The following TECPR2 variants were observed in gnomAD, a reference collection of about 807,000 sequenced individuals.
The protein encoded by TECPR2 is tectonin beta-propeller repeat-containing protein 2.
Under a neutral mutation model 138.1 loss-of-function variants are expected in TECPR2, and 65 were observed. The observed-to-expected ratio is 0.47, with a 90% CI of 0.39 to 0.58. The LOEUF (loss-of-function observed/expected upper bound fraction) is 0.58, where lower values mean the gene tolerates loss of function less well. TECPR2 is among the 20% of genes least tolerant of loss of function. TECPR2 has a pLI of 0.00. For synonymous variants in TECPR2, 746 were observed against 749.8 expected, an observed-to-expected ratio of 0.99 and a Z score of 0.08; for missense variants, 1,553 against 1,824.5, an observed-to-expected ratio of 0.85 and a Z score of 2.71.
intron 6 of TECPR2, among the ~76,000 whole-genome samples, chr14:102,428,030 C>T (rs980101524): frequency 7.2e-5 from 11 of 152,146 alleles, no homozygotes; most frequent in South Asian, 2.1e-4. Flanking sequence ...CGGAGATGAC[C>T]GAGGCCCCAC....
intron 1 of TECPR2, among the ~76,000 whole-genome samples, chr14:102,367,377 A>T (rs749457773): frequency 6.6e-6 from 1 of 152,098 alleles, no homozygotes; most frequent in Non-Finnish European, 1.5e-5. Context: ...TCATCACCCT[A>T]AAAGGAAACT....
At chr14:102,470,639 CTTTTTTT>C (rs200949179) in intron 17 of TECPR2, among the ~76,000 whole-genome samples, 1 of 136,018 alleles carries the variant, frequency 7.4e-6, no homozygotes, top group African/African-American at 2.7e-5. Context: ...TCTTCTTCTT[CTTTTTTT>C]TTTTTTTTTT....
At chr14:102,496,494 G>A (rs1757429202) in intron 17 of TECPR2, among the ~76,000 whole-genome samples, 1 of 152,242 alleles carries the variant, frequency 6.6e-6, no homozygotes, top group Non-Finnish European at 1.5e-5. Flanking sequence ...CCGCGGCCTG[G>A]TCAACGCAGA....
At chr14:102,396,299 C>T (rs1347715090) in intron 2 of TECPR2, among the ~76,000 whole-genome samples, 2 of 151,920 alleles carry the variant, frequency 1.3e-5, no homozygotes, top group Non-Finnish European at 1.5e-5. Context: ...GACGGAGTTT[C>T]GCCGTGTTGG....
chr14:102,457,869 C>CTTTTTTTTTTTTTTTTT lies in TECPR2; in HGVS notation c.3640+5247_3640+5263dup, dbSNP rs748372168. On this transcript the variant is annotated intron_variant, in intron 16 of 19. Coordinates refer to ENST00000359520, the MANE Select transcript of TECPR2 (RefSeq NM_014844.5). The stretch of plus-strand genomic sequence containing the variant: ...CGCTCCTCTGCTCCCACTAAATTCC[C>CTTTTTTTTTTTTTTTTT]TTTTTTTTTTTTTTTTTTTTTGAGA... 1.7e-4 allele frequency among the ~76,000 whole-genome samples: 17 copies of CTTTTTTTTTTTTTTTTT among 102,744 alleles called. 1 individual carries two copies. The highest frequency in any genetic ancestry group is 3.3e-4 in the African/African-American group (8 of 24,486). 67.4% of individuals were successfully genotyped at this position (102,744 alleles called of 152,430 possible).
intron 17 of TECPR2, among the ~76,000 whole-genome samples, chr14:102,470,820 GTTT>G (rs58304399): frequency 8.1e-6 from 1 of 123,770 alleles, no homozygotes; most frequent in African/African-American, 3.1e-5. Flanking sequence ...TGTTTCTTGT[GTTT>G]TTTTTTTTTT....
intron 3 of TECPR2, among the ~76,000 whole-genome samples, chr14:102,408,203 C>T (rs879600548): frequency 4.8e-4 from 73 of 152,000 alleles, no homozygotes; most frequent in Non-Finnish European, 1.0e-3. Context: ...AAGCTTAACA[C>T]TGTGCTGTTT....
At chr14:102,384,846 CTTTTTTT>C (rs58616138) in intron 2 of TECPR2, among the ~76,000 whole-genome samples, 233 of 99,380 alleles carry the variant, frequency 2.3e-3, no homozygotes, top group African/African-American at 9.3e-3. Context: ...TTTTCCTTTC[CTTTTTTT>C]TTTTTTTTTT....
At position 102,428,245 on chromosome 14, in the gene TECPR2, G is replaced by A. The variant is rs55716270; in HGVS notation, c.952-5G>A. The stretch of plus-strand genomic sequence containing the variant: ...TTGTTTTTTTTTTTTTTTTTTTTTT[G>A]ACAGGCCACAGTTGCTGGTTTGGAA... On this transcript the variant is annotated splice_polypyrimidine_tract_variant and splice_region_variant and intron_variant, in intron 6 of 19. Transcript: ENST00000359520. The A allele has an allele frequency of 5.8e-3, 3,430 of 592,238 alleles. 30 individuals are homozygous for A. Among genetic ancestry groups the A allele is most frequent in the Non-Finnish European group, 6.9e-3 (3,208 of 467,230 alleles). The allele number at this position is 592,238 out of a possible 1,614,324, so 36.7% of individuals were successfully genotyped here. A position where few individuals can be genotyped will look rare whatever the true frequency, so the allele number is the denominator to read the frequency against.
intron 16 of TECPR2, among the ~76,000 whole-genome samples, chr14:102,459,037 G>A (rs557470451): frequency 1.3e-5 from 2 of 150,114 alleles, no homozygotes; most frequent in East Asian, 2.0e-4. Context: ...GTTTACACAC[G>A]GAGTGTGTAG....
chr14:102,400,275 C>T (rs1038984715), intron 2 of TECPR2, among the ~76,000 whole-genome samples: 1 of 152,150 alleles, frequency 6.6e-6, no homozygotes. Context: ...TAAACTCCGA[C>T]CTCAGTTGAT....
chr14:102,449,750 G>T lies in TECPR2; in HGVS notation c.3197G>T (p.Arg1066Leu). 2 of 1,614,162 alleles carry T rather than the reference G, an allele frequency of 1.2e-6. No individual in the cohort carries two copies. Among genetic ancestry groups the T allele is most frequent in the Non-Finnish European group, 1.7e-6 (2 of 1,180,030 alleles). Residue 1066 changes from arginine (R) to leucine (L), a missense_variant, in exon 14 of 20, where the codon CGC becomes CTC. Arg to Leu is a moderately radical substitution (Grantham distance 102). Coordinates refer to ENST00000359520, the MANE Select transcript of TECPR2 (RefSeq NM_014844.5). Reference protein sequence around the residue: ...APVEKVADKLRMAFWSQQLQC... With the variant: ...APVEKVADKLLMAFWSQQLQC... ...GTAGAAAAGGTGGCAGATAAGCTGCGCATGGCGTTTTGGTCCCAGCAGCTT... is the reference window on the plus strand; with the variant it reads ...GTAGAAAAGGTGGCAGATAAGCTGCTCATGGCGTTTTGGTCCCAGCAGCTT...
intron 7 of TECPR2, 152 bp downstream of exon 7, chr14:102,428,534 G>A: frequency 1.7e-6 from 2 of 1,209,808 alleles, no homozygotes; most frequent in South Asian, 1.4e-5. Flanking sequence ...GCTGAGGTGG[G>A]TGGATCGCTT....
intron 16 of TECPR2, among the ~76,000 whole-genome samples, chr14:102,456,228 C>T (rs1002125025): frequency 1.3e-5 from 2 of 152,174 alleles, no homozygotes; most frequent in Admixed American, 6.5e-5. Flanking sequence ...GGTGGTGGGG[C>T]TTTTGCTTGT....
intron 18 of TECPR2, among the ~76,000 whole-genome samples, 157 bp downstream of exon 18, chr14:102,497,277 A>G (rs1046616136): frequency 6.6e-6 from 1 of 152,178 alleles, no homozygotes; most frequent in African/African-American, 2.4e-5. Flanking sequence ...CAAGCCTCCC[A>G]TCATGTTCCT....
intron 2 of TECPR2, among the ~76,000 whole-genome samples, chr14:102,406,795 A>C (rs979143107): frequency 6.6e-6 from 1 of 152,208 alleles, no homozygotes; most frequent in Non-Finnish European, 1.5e-5. Context: ...TTGAGGCTGC[A>C]GTGAACTGTG....
chr14:102,414,804 C>T lies in TECPR2; in HGVS notation c.638+11C>T, dbSNP rs1231323725. On this transcript the variant is annotated intron_variant, in intron 5 of 19. Transcript: ENST00000359520. ...ACAACCAAGGAAAAGGTAAGTTTCA[C>T]AAGTTTGCCAGTTTGGCCTAAATGC... 1 of 1,613,470 alleles carries T rather than the reference C, an allele frequency of 6.2e-7. No individual in the cohort carries two copies. Among genetic ancestry groups the T allele is most frequent in the Non-Finnish European group, 8.5e-7 (1 of 1,179,722 alleles).
intron 4 of TECPR2, among the ~76,000 whole-genome samples, chr14:102,411,168 T>A (rs1039582036): frequency 2.6e-5 from 4 of 152,266 alleles, no homozygotes; most frequent in Non-Finnish European, 5.9e-5. Flanking sequence ...TAATCCTGCT[T>A]GAAGCAGCCC....
Position 102,407,048 on chromosome 14 carries a change from C to T in TECPR2, c.220-290C>T, listed in dbSNP as rs143760559. 0.038 allele frequency among the ~76,000 whole-genome samples: 5,730 copies of T among 152,012 alleles called. 122 individuals are homozygous for T. The highest frequency in any genetic ancestry group is 0.092 in the Middle Eastern group (27 of 294). On this transcript the variant is annotated intron_variant, in intron 2 of 19. Transcript: ENST00000359520. ...CTAATTTTTGTGTTTTTAGTAGAGA[C>T]GGGGTTTCGCCATGTTGGCCAGGCT...
Sources: allele counts gnomAD v4.1 joint callset (sites outside exome capture counted in the v4.1 genomes callset), GRCh38; gene constraint gnomAD v4.1.1; transcripts MANE v1.5; gene names NCBI Gene and HGNC (gene_info 2026-07-23, HGNC 2026-07-21).